Variants in NTM observed in about 807,000 individuals in gnomAD.
NTM encodes neurotrimin.
In NTM, 13 loss-of-function variants were observed where a neutral mutation model predicts 42.1. The ratio of observed to expected loss-of-function variants is 0.31; its 90% CI spans 0.20 to 0.49. The LOEUF is 0.49. Ranked by LOEUF, NTM falls within the 20% of genes least tolerant of loss-of-function variation. NTM has a pLI of 0.99. For synonymous variants in NTM, 187 were observed against 179.2 expected, an observed-to-expected ratio of 1.04 and a Z score of -0.35; for missense variants, 373 against 452.8, an observed-to-expected ratio of 0.82 and a Z score of 1.60.
In NTM at chr11:131,395,024, C is replaced by T. The variant is rs151082694; in HGVS notation, c.82+24136C>T. 5.9e-5 allele frequency among the ~76,000 whole-genome samples: 9 copies of T among 152,210 alleles called. No individual in the cohort carries two copies. The East Asian group carries it at 1.7e-3, about 29-fold the overall frequency. ...GGTACGGGACCTTTCTCTGAGACTA[C>T]TTAGGGATGGGAACTAAAAGCCCCT... On this transcript the variant is annotated intron_variant, in intron 1 of 8. Transcript: ENST00000683400.
intron 1 of NTM, among the ~76,000 whole-genome samples, chr11:131,741,958 G>C (rs1030030547): frequency 1.3e-5 from 2 of 152,172 alleles, no homozygotes; most frequent in Non-Finnish European, 2.9e-5. Flanking sequence ...ATTATCCTTA[G>C]CAAGCTAACA....
chr11:131,879,577 C>G (rs1024835494), intron 1 of NTM, among the ~76,000 whole-genome samples: 2 of 152,114 alleles, frequency 1.3e-5, no homozygotes, highest in African/African-American at 4.8e-5. Flanking sequence ...TAGTCCTGCT[C>G]GTCAGCTTTG....
intron 3 of NTM, among the ~76,000 whole-genome samples, chr11:132,202,483 G>A (rs1421904143): frequency 6.6e-6 from 1 of 152,114 alleles, no homozygotes; most frequent in East Asian, 1.9e-4. Context: ...GCACAGCTGG[G>A]AAACAGATGG....
intron 1 of NTM, among the ~76,000 whole-genome samples, chr11:131,808,636 G>A (rs1348858965): frequency 6.6e-6 from 1 of 152,224 alleles, no homozygotes; most frequent in African/African-American, 2.4e-5. Flanking sequence ...CAGAGGAGTG[G>A]TCATGAACCT....
intron 1 of NTM, among the ~76,000 whole-genome samples, chr11:131,625,842 C>T (rs373093919): frequency 7.9e-5 from 12 of 152,272 alleles, no homozygotes; most frequent in Middle Eastern, 3.4e-3. Flanking sequence ...GGCTGGCTTC[C>T]TCTGTTCCAC....
At chr11:131,931,445 A>AT (rs1377946539) in intron 2 of NTM, among the ~76,000 whole-genome samples, 163 of 148,488 alleles carry the variant, frequency 1.1e-3, no homozygotes, top group African/African-American at 2.8e-3. Flanking sequence ...CCTCAAAAAA[A>AT]AAAATAATAA....
chr11:131,571,138 G>A (rs1407381628), intron 1 of NTM, among the ~76,000 whole-genome samples: 3 of 152,228 alleles, frequency 2.0e-5, no homozygotes, highest in Non-Finnish European at 4.4e-5. Context: ...GGCTCCTCAT[G>A]GCATTGCTGT....
intron 3 of NTM, among the ~76,000 whole-genome samples, chr11:132,207,449 C>G (rs2082161953): frequency 6.6e-6 from 1 of 152,122 alleles, no homozygotes; most frequent in South Asian, 2.1e-4. Context: ...TCCACTGATC[C>G]TACATTATGG....
intron 2 of NTM, among the ~76,000 whole-genome samples, chr11:132,069,261 T>A (rs1401229899): frequency 2.0e-5 from 3 of 148,508 alleles, no homozygotes; most frequent in Non-Finnish European, 4.4e-5. Context: ...ACACTGACCA[T>A]CACAGATTAG....
chr11:132,207,177 G>A (rs1256560015), intron 3 of NTM, among the ~76,000 whole-genome samples: 3 of 152,184 alleles, frequency 2.0e-5, no homozygotes, highest in African/African-American at 7.2e-5. Flanking sequence ...CACACAGCAG[G>A]AGGTGAGCAG....
intron 1 of NTM, among the ~76,000 whole-genome samples, chr11:131,748,706 T>C (rs554590571): frequency 6.6e-6 from 1 of 152,294 alleles, no homozygotes; most frequent in African/African-American, 2.4e-5. Flanking sequence ...GGGGGTGCAA[T>C]TCTTTTAATT....
At chr11:131,881,081 G>A (rs775142397) in intron 1 of NTM, among the ~76,000 whole-genome samples, 11 of 152,082 alleles carry the variant, frequency 7.2e-5, no homozygotes, top group Admixed American at 7.2e-4. Context: ...ATTCCCCCAT[G>A]GTCTGCTTTC....
At chr11:131,736,034 T>C (rs2080389357) in intron 1 of NTM, among the ~76,000 whole-genome samples, 1 of 152,138 alleles carries the variant, frequency 6.6e-6, no homozygotes, top group South Asian at 2.1e-4. Context: ...GGTTTTGCCA[T>C]GTTGGCCAGG....
chr11:131,841,517 G>A (rs1328214921), intron 1 of NTM, among the ~76,000 whole-genome samples: 1 of 152,152 alleles, frequency 6.6e-6, no homozygotes, highest in African/African-American at 2.4e-5. Context: ...CTGATGCCCA[G>A]GCCATACCCC....
At chr11:131,592,328 G>C (rs1053624190) in intron 1 of NTM, among the ~76,000 whole-genome samples, 2 of 152,000 alleles carry the variant, frequency 1.3e-5, no homozygotes, top group Non-Finnish European at 2.9e-5. Context: ...CAATGTCCTC[G>C]TCTGCAAAAT....
At chr11:131,693,559 T>G (rs537792948) in intron 1 of NTM, among the ~76,000 whole-genome samples, 1 of 152,288 alleles carries the variant, frequency 6.6e-6, no homozygotes, top group Admixed American at 6.5e-5. Context: ...GGATTATCTA[T>G]TACCTGAGGG....
intron 1 of NTM, among the ~76,000 whole-genome samples, chr11:131,376,513 G>A (rs1941993989): frequency 6.6e-6 from 1 of 152,170 alleles, no homozygotes; most frequent in South Asian, 2.1e-4. Flanking sequence ...AGCTCTGTAA[G>A]TCATTTGCAA....
intron 1 of NTM, among the ~76,000 whole-genome samples, chr11:131,744,359 C>T (rs139381336): frequency 1.5e-3 from 231 of 152,144 alleles, no homozygotes; most frequent in African/African-American, 5.4e-3. Flanking sequence ...ATGTTTTTCC[C>T]ATCTAACATT....
At position 131,450,602 on chromosome 11, in the gene NTM, G is replaced by A. The variant is rs186306828; in HGVS notation, c.82+79714G>A. Among the ~76,000 whole-genome samples, 291 of 152,254 alleles carry A rather than the reference G, an allele frequency of 1.9e-3. 5 individuals are homozygous for A. The highest frequency in any genetic ancestry group is 0.018 in the Admixed American group (273 of 15,298). On this transcript the variant is annotated intron_variant, in intron 1 of 8. Transcript: ENST00000683400. Reference sequence around the variant, plus strand: ...GCCCTTGGTGCCTTCACACTCTTATGCATGCTCCTCATCCATTTTTCTGAT... The same window carrying A: ...GCCCTTGGTGCCTTCACACTCTTATACATGCTCCTCATCCATTTTTCTGAT...
Sources: gnomAD v4.1 joint callset for allele counts (sites outside exome capture counted in the v4.1 genomes callset) on GRCh38, gnomAD v4.1.1 for gene constraint, MANE v1.5 for transcripts, NCBI Gene and HGNC (gene_info 2026-07-23, HGNC 2026-07-21) for gene names.